The following TMEM117 variants were observed in gnomAD, a reference collection of about 807,000 sequenced individuals.
The protein encoded by TMEM117 is transmembrane protein 117.
TMEM117 carries 27 observed loss-of-function variants against 52.4 expected under a neutral mutation model. The observed-to-expected ratio is 0.51, with a 90% CI of 0.38 to 0.71. The LOEUF (loss-of-function observed/expected upper bound fraction) is 0.71. Among genes scored for constraint, TMEM117 ranks in the 30% least tolerant of loss-of-function variants. The pLI is 0.00. For synonymous variants in TMEM117, 215 were observed against 206.3 expected, an observed-to-expected ratio of 1.04 and a Z score of -0.36; for missense variants, 556 against 630.5, an observed-to-expected ratio of 0.88 and a Z score of 1.26.
At chr12:44,393,109 G>A (rs1426066144), downstream of TMEM117, among the ~76,000 whole-genome samples, 1 of 152,058 alleles carries the variant, frequency 6.6e-6, no homozygotes, top group African/African-American at 2.4e-5. Flanking sequence ...AAATACTACT[G>A]ATAATATTTT....
intron 5 of TMEM117, among the ~76,000 whole-genome samples, chr12:44,268,608 A>C (rs972471987): frequency 3.3e-5 from 5 of 152,190 alleles, no homozygotes; most frequent in African/African-American, 1.2e-4. Flanking sequence ...TTATAAATAT[A>C]TTTGTTACAT....
chr12:44,260,792 A>G (rs1950311621), intron 5 of TMEM117, among the ~76,000 whole-genome samples: 1 of 152,202 alleles, frequency 6.6e-6, no homozygotes, highest in Non-Finnish European at 1.5e-5. Flanking sequence ...GTGGAAAACC[A>G]TGTGCAAATC....
At chr12:43,942,950 G>GGGC (rs1945068394) in intron 2 of TMEM117, among the ~76,000 whole-genome samples, 1 of 151,836 alleles carries the variant, frequency 6.6e-6, no homozygotes, top group Non-Finnish European at 1.5e-5. Flanking sequence ...AGGCCGAGGA[G>GGGC]GGCAGATCAC....
At position 44,217,282 on chromosome 12, in the gene TMEM117, A is replaced by G. The variant is rs1949730860; in HGVS notation, c.608+5895A>G. On this transcript the variant is annotated intron_variant, in intron 5 of 7. Coordinates refer to ENST00000266534, the MANE Select transcript of TMEM117 (RefSeq NM_032256.3). Reference sequence around the variant, plus strand: ...TGAATTATTATTTGTTTTATGAGCCATGGTTCAAAACTAAGGGATGTGGAG... The same window carrying G: ...TGAATTATTATTTGTTTTATGAGCCGTGGTTCAAAACTAAGGGATGTGGAG... Among the ~76,000 whole-genome samples, 5 of 152,242 alleles carry G rather than the reference A, an allele frequency of 3.3e-5. No homozygotes were observed. The South Asian group carries it at 8.3e-4, about 25-fold the overall frequency.
At chr12:43,845,039 C>T in intron 2 of TMEM117, 111 bp downstream of exon 2, 1 of 1,277,110 alleles carries the variant, frequency 7.8e-7, no homozygotes. Flanking sequence ...TTAGTTTGTC[C>T]TCCTGCCTTA....
At chr12:44,326,168 TG>T (rs1951192456) in intron 6 of TMEM117, among the ~76,000 whole-genome samples, 1 of 151,532 alleles carries the variant, frequency 6.6e-6, no homozygotes, top group Non-Finnish European at 1.5e-5. Flanking sequence ...ACCCTGGTTT[TG>T]TTTTTGTTTT....
At chr12:44,397,038 T>TA in the TMEM117 span, among the ~76,000 whole-genome samples, 9 of 152,006 alleles carry the variant, frequency 5.9e-5, no homozygotes, top group Non-Finnish European at 8.8e-5. Flanking sequence ...ATAGAAAATT[T>TA]AAAAAATCCA....
At chr12:43,975,622 A>G (rs1267515455) in intron 3 of TMEM117, among the ~76,000 whole-genome samples, 1 of 152,200 alleles carries the variant, frequency 6.6e-6, no homozygotes, top group East Asian at 1.9e-4. Flanking sequence ...TTTCCTAGGT[A>G]TAAAGTAAAA....
At chr12:44,079,859 T>TA (rs898084525) in intron 3 of TMEM117, among the ~76,000 whole-genome samples, 58 of 150,020 alleles carry the variant, frequency 3.9e-4, no homozygotes, top group African/African-American at 6.6e-4. Flanking sequence ...CTACTAAAAA[T>TA]AAAAAAAAAT....
At chr12:44,149,677 G>T (rs894615609) in intron 4 of TMEM117, among the ~76,000 whole-genome samples, 1 of 152,122 alleles carries the variant, frequency 6.6e-6, no homozygotes, top group Non-Finnish European at 1.5e-5. Context: ...CAAACACTAA[G>T]TGTGTGAATG....
Position 44,333,754 on chromosome 12 carries a change from T to A in TMEM117, c.768+34015T>A, listed in dbSNP as rs140860038. On this transcript the variant is annotated intron_variant, in intron 6 of 7. Transcript: ENST00000266534. Reference sequence around the variant, plus strand: ...TGATAGCAGCATGAGAACAAACTAATACACATAGGTACAAGTTGTGGTGAT... The same window carrying A: ...TGATAGCAGCATGAGAACAAACTAAAACACATAGGTACAAGTTGTGGTGAT... Among the ~76,000 whole-genome samples, 352 of 152,110 alleles carry A rather than the reference T, an allele frequency of 2.3e-3. 1 individual carries two copies. Among genetic ancestry groups the A allele is most frequent in the African/African-American group, 8.0e-3 (331 of 41,516 alleles).
At chr12:44,157,539 C>G (rs1426758706) in intron 4 of TMEM117, among the ~76,000 whole-genome samples, 1 of 151,880 alleles carries the variant, frequency 6.6e-6, no homozygotes, top group African/African-American at 2.4e-5. Flanking sequence ...GAACTGATAC[C>G]AAGACTGTAT....
intron 3 of TMEM117, among the ~76,000 whole-genome samples, chr12:44,142,239 C>A (rs1948580956): frequency 6.6e-6 from 1 of 152,050 alleles, no homozygotes; most frequent in Non-Finnish European, 1.5e-5. Flanking sequence ...TATAAGCATG[C>A]AATTTATGGT....
upstream of TMEM117, among the ~76,000 whole-genome samples, chr12:43,831,307 C>T (rs1942979815): frequency 6.6e-6 from 1 of 152,134 alleles, no homozygotes; most frequent in South Asian, 2.1e-4. Context: ...AAGCATTTCC[C>T]GATTGACTTG....
chr12:43,928,225 G>A (rs752664475), intron 2 of TMEM117, among the ~76,000 whole-genome samples: 6 of 151,890 alleles, frequency 4.0e-5, no homozygotes, highest in South Asian at 2.1e-4. Flanking sequence ...ACTTCCATGC[G>A]ATTGCTGTTC....
chr12:44,082,559 G>A (rs1249182330), intron 3 of TMEM117, among the ~76,000 whole-genome samples: 1 of 151,960 alleles, frequency 6.6e-6, no homozygotes, highest in Non-Finnish European at 1.5e-5. Context: ...ATAGAATTGA[G>A]AGAAATATGT....
At chr12:43,829,059 C>T in the TMEM117 span, among the ~76,000 whole-genome samples, 1 of 152,090 alleles carries the variant, frequency 6.6e-6, no homozygotes, top group African/African-American at 2.4e-5. Context: ...GTAGCTGGGA[C>T]TATAAGGGCA....
intron 3 of TMEM117, among the ~76,000 whole-genome samples, chr12:43,991,550 G>C (rs1462704708): frequency 6.6e-6 from 1 of 151,970 alleles, no homozygotes; most frequent in Admixed American, 6.6e-5. Context: ...CAAGGACCTC[G>C]GCCAAGTAAC....
intron 4 of TMEM117, among the ~76,000 whole-genome samples, chr12:44,151,362 CATT>C (rs1491387150): frequency 7.9e-6 from 1 of 126,996 alleles, no homozygotes; most frequent in South Asian, 2.4e-4. Flanking sequence ...TTTTTTTTTT[CATT>C]ATTATTATTA....
Sources: allele counts gnomAD v4.1 joint callset (sites outside exome capture counted in the v4.1 genomes callset), GRCh38; gene constraint gnomAD v4.1.1; transcripts MANE v1.5; gene names NCBI Gene and HGNC (gene_info 2026-07-23, HGNC 2026-07-21).